The following PTBP2 variants were observed in gnomAD, a reference collection of about 807,000 sequenced individuals.
The protein encoded by PTBP2 is polypyrimidine tract binding protein 2, also known as polypyrimidine tract-binding protein 2.
PTBP2 carries 13 observed loss-of-function variants against 61.4 expected under a neutral mutation model. The observed-to-expected ratio is 0.21, with a 90% CI of 0.14 to 0.34. The LOEUF is 0.34. Among genes scored for constraint, PTBP2 ranks in the 10% least tolerant of loss-of-function variants. PTBP2 has a pLI of 1.00. For missense variants in PTBP2, 405 were observed against 642.6 expected, an observed-to-expected ratio of 0.63 and a Z score of 4.00; for synonymous variants, 215 against 218.5, an observed-to-expected ratio of 0.98 and a Z score of 0.14.
intron 8 of PTBP2, among the ~76,000 whole-genome samples, chr1:96,791,836 T>TTTTTTTTTTG (rs1659859361): frequency 7.4e-6 from 1 of 135,992 alleles, no homozygotes; most frequent in Non-Finnish European, 1.6e-5. Flanking sequence ...CTTTTTTTTT[T>TTTTTTTTTTG]TTTTTTTTTT....
In PTBP2 at chr1:96,797,280, A is replaced by G. The variant is rs1002392183; in HGVS notation, c.905-7520A>G. ...TTTGGAGAAAAGTTGAGGGAGACCA[A>G]AAATGACTTTTTGAGGGAATTGTAG... On this transcript the variant is annotated intron_variant, in intron 8 of 13. Coordinates refer to ENST00000674951, the MANE Select transcript of PTBP2 (RefSeq NM_021190.4). 3.3e-5 allele frequency among the ~76,000 whole-genome samples: 5 copies of G among 152,192 alleles called. No individual in the cohort carries two copies. The East Asian group carries it at 9.6e-4, about 29-fold the overall frequency.
At chr1:96,820,142 A>T (rs1465978566) in exon 14 of PTBP2, 1 of 152,010 alleles carries the variant, frequency 6.6e-6, no homozygotes. Flanking sequence ...TCATATGTTC[A>T]CTTATAAGGA....
chr1:96,726,868 C>G (rs912503558), intron 2 of PTBP2, among the ~76,000 whole-genome samples: 3 of 152,090 alleles, frequency 2.0e-5, no homozygotes, highest in African/African-American at 7.2e-5. Flanking sequence ...CAGGCTTGAG[C>G]CACCGCGTCC....
intron 2 of PTBP2, among the ~76,000 whole-genome samples, chr1:96,737,357 G>C (rs1652365833): frequency 6.6e-6 from 1 of 152,134 alleles, no homozygotes; most frequent in African/African-American, 2.4e-5. Flanking sequence ...GACAGTGCCA[G>C]AGTGAATCAG....
chr1:96,793,300 G>A (rs1660039930), intron 8 of PTBP2, among the ~76,000 whole-genome samples: 1 of 152,144 alleles, frequency 6.6e-6, no homozygotes, highest in East Asian at 1.9e-4. Flanking sequence ...GTCTTAAAAT[G>A]TGTCTTTTGG....
chr1:96,772,003 C>A (rs1657438419), intron 5 of PTBP2, among the ~76,000 whole-genome samples: 1 of 152,104 alleles, frequency 6.6e-6, no homozygotes, highest in African/African-American at 2.4e-5. Flanking sequence ...TTTTTCCACG[C>A]CAAGCAAGCA....
At chr1:96,786,423 C>G (rs1460320688) in intron 8 of PTBP2, among the ~76,000 whole-genome samples, 2 of 152,112 alleles carry the variant, frequency 1.3e-5, no homozygotes, top group African/African-American at 4.8e-5. Flanking sequence ...TACACTCTTT[C>G]CTGACAGAAT....
chr1:96,774,373 T>A (rs1657780365), intron 5 of PTBP2, among the ~76,000 whole-genome samples: 1 of 152,194 alleles, frequency 6.6e-6, no homozygotes, highest in South Asian at 2.1e-4. Context: ...GTGTCTCCAG[T>A]CCATTTGGTT....
At chr1:96,741,682 T>C (rs1381895098) in intron 2 of PTBP2, among the ~76,000 whole-genome samples, 1 of 152,240 alleles carries the variant, frequency 6.6e-6, no homozygotes, top group Non-Finnish European at 1.5e-5. Context: ...AAAAAACATT[T>C]AACCTAAGGC....
intron 8 of PTBP2, among the ~76,000 whole-genome samples, chr1:96,797,482 T>G (rs1660511057): frequency 6.6e-6 from 1 of 152,068 alleles, no homozygotes; most frequent in Non-Finnish European, 1.5e-5. Context: ...AGAATAGCAG[T>G]TGTCATCCTT....
At chr1:96,730,673 C>G (rs548054589) in intron 2 of PTBP2, among the ~76,000 whole-genome samples, 1 of 152,266 alleles carries the variant, frequency 6.6e-6, no homozygotes, top group Admixed American at 6.5e-5. Flanking sequence ...GGAGAAATCT[C>G]TGTGCAGTTC....
At chr1:96,765,887 C>T (rs907680085) in intron 3 of PTBP2, among the ~76,000 whole-genome samples, 4 of 152,010 alleles carry the variant, frequency 2.6e-5, no homozygotes, top group Non-Finnish European at 5.9e-5. Context: ...TCAAATGAGT[C>T]GGGAAATTAG....
intron 3 of PTBP2, among the ~76,000 whole-genome samples, chr1:96,766,133 G>A (rs1656678980): frequency 6.6e-6 from 1 of 152,136 alleles, no homozygotes; most frequent in African/African-American, 2.4e-5. Flanking sequence ...GAATTGAGGT[G>A]AAAAACTGGT....
At chr1:96,782,132 GT>G (rs1419309617) in intron 7 of PTBP2, among the ~76,000 whole-genome samples, 2 of 151,742 alleles carry the variant, frequency 1.3e-5, no homozygotes, top group African/African-American at 4.8e-5. Context: ...TTTGGTTTTT[GT>G]TATTAGAAAC....
chr1:96,739,518 C>T (rs1570736536), intron 2 of PTBP2, among the ~76,000 whole-genome samples: 1 of 149,678 alleles, frequency 6.7e-6, no homozygotes, highest in East Asian at 2.0e-4. Context: ...AATTTGACTA[C>T]TTTAAATACC....
At position 96,789,762 on chromosome 1, in the gene PTBP2, C is replaced by T. The variant is rs144773826; in HGVS notation, c.904+4508C>T. Among the ~76,000 whole-genome samples the T allele has an allele frequency of 2.0e-5, 3 of 152,140 alleles. No individual in the cohort carries two copies. The East Asian group carries it at 5.8e-4, about 29-fold the overall frequency. On this transcript the variant is annotated intron_variant, in intron 8 of 13. Coordinates refer to ENST00000674951, the MANE Select transcript of PTBP2 (RefSeq NM_021190.4). Reference sequence around the variant, plus strand: ...TACACCTGTCATCTTGGTTCAATAGCGCTGACACTTAGTTTTATCTATTCA... The same window carrying T: ...TACACCTGTCATCTTGGTTCAATAGTGCTGACACTTAGTTTTATCTATTCA...
At chr1:96,784,717 G>C (rs1659038678) in intron 7 of PTBP2, among the ~76,000 whole-genome samples, 2 of 152,084 alleles carry the variant, frequency 1.3e-5, no homozygotes, top group Admixed American at 6.6e-5. Flanking sequence ...ATTGAGCAGA[G>C]TAGTGTGGTA....
exon 14 of PTBP2, chr1:96,822,499 T>C (rs1212429384): frequency 6.6e-6 from 1 of 152,220 alleles, no homozygotes; most frequent in Non-Finnish European, 1.5e-5. Flanking sequence ...AATGCAGTTA[T>C]TGGTAAACTG....
At chr1:96,775,873 G>A (rs1570906385) in intron 5 of PTBP2, among the ~76,000 whole-genome samples, 2 of 152,028 alleles carry the variant, frequency 1.3e-5, no homozygotes, top group South Asian at 4.2e-4. Context: ...AAGGAAGATA[G>A]AGAACAATGA....
Sources: allele counts gnomAD v4.1 joint callset (sites outside exome capture counted in the v4.1 genomes callset), GRCh38; gene constraint gnomAD v4.1.1; transcripts MANE v1.5; gene names NCBI Gene and HGNC (gene_info 2026-07-23, HGNC 2026-07-21).